The following LRRTM4 variants were observed in gnomAD, a reference collection of about 807,000 sequenced individuals.
The protein encoded by LRRTM4 is leucine-rich repeat transmembrane neuronal protein 4.
Under a neutral mutation model 47.6 loss-of-function variants are expected in LRRTM4, and 25 were observed. The observed-to-expected ratio is 0.53, with a 90% confidence interval of 0.38 to 0.73. The LOEUF is 0.73. LRRTM4 is among the 30% of genes least tolerant of loss of function. The pLI, the probability that LRRTM4 is intolerant of heterozygous loss-of-function variation, is 0.00. For synonymous variants in LRRTM4, 311 were observed against 269.5 expected (o/e 1.15, Z -1.51); for missense variants, 638 against 713.4 (o/e 0.89, Z 1.20).
At chr2:77,001,368 T>A (rs772416558) in intron 3 of LRRTM4, among the ~76,000 whole-genome samples, 1 of 152,106 alleles carries the variant, frequency 6.6e-6, no homozygotes, top group Non-Finnish European at 1.5e-5. Context: ...TACATGGAGA[T>A]CCTGGGTCCC....
At chr2:77,293,122 A>G (rs1676875553) in intron 3 of LRRTM4, among the ~76,000 whole-genome samples, 2 of 152,106 alleles carry the variant, frequency 1.3e-5, no homozygotes, top group South Asian at 4.1e-4. Context: ...CATCTGACAT[A>G]TTTGGAAAGT....
intron 3 of LRRTM4, among the ~76,000 whole-genome samples, chr2:76,869,134 C>A (rs549632905): frequency 1.3e-5 from 2 of 151,262 alleles, no homozygotes; most frequent in South Asian, 2.1e-4. Flanking sequence ...CATGGTGAAA[C>A]CCCGTCTCTA....
At chr2:77,299,963 T>C (rs1677086739) in intron 3 of LRRTM4, among the ~76,000 whole-genome samples, 2 of 150,192 alleles carry the variant, frequency 1.3e-5, no homozygotes, top group Non-Finnish European at 1.5e-5. Flanking sequence ...ACGATTCTCC[T>C]GCCTCAGCCT....
At chr2:76,989,762 G>T (rs975675305) in intron 3 of LRRTM4, 5 of 151,726 alleles carry the variant, frequency 3.3e-5, no homozygotes, top group African/African-American at 1.2e-4. Flanking sequence ...TGTCATTATC[G>T]TTATTTTATA....
intron 3 of LRRTM4, among the ~76,000 whole-genome samples, chr2:77,330,658 A>G (rs1573263625): frequency 1.3e-5 from 2 of 152,198 alleles, no homozygotes; most frequent in East Asian, 3.8e-4. Context: ...TTTATTTTAT[A>G]CATATTAATA....
At chr2:77,009,657 C>T (rs1468716851) in intron 3 of LRRTM4, 1 of 152,038 alleles carries the variant, frequency 6.6e-6, no homozygotes, top group Non-Finnish European at 1.5e-5. Flanking sequence ...CTTGAACACA[C>T]CAGTTCTGCC....
At chr2:77,217,468 T>TATATATATATATATACAC (rs1338917871) in intron 3 of LRRTM4, among the ~76,000 whole-genome samples, 1 of 134,250 alleles carries the variant, frequency 7.4e-6, no homozygotes, top group African/African-American at 2.9e-5. Context: ...TATATATATA[T>TATATATATATATATACAC]ACTAAGCCTT....
At chr2:77,056,007 A>C (rs1470518137) in intron 3 of LRRTM4, among the ~76,000 whole-genome samples, 4 of 132,534 alleles carry the variant, frequency 3.0e-5, no homozygotes, top group Non-Finnish European at 6.1e-5. Context: ...ACACGGACAC[A>C]GGAAGGGGAA....
chr2:77,332,071 C>A (rs1404036250), intron 3 of LRRTM4, among the ~76,000 whole-genome samples: 1 of 152,110 alleles, frequency 6.6e-6, no homozygotes, highest in African/African-American at 2.4e-5. Context: ...TTAAGAAGAA[C>A]TTTCATCCCC....
At chr2:77,300,578 C>T (rs1367669748) in intron 3 of LRRTM4, among the ~76,000 whole-genome samples, 1 of 152,102 alleles carries the variant, frequency 6.6e-6, no homozygotes, top group Non-Finnish European at 1.5e-5. Context: ...ACATTTAACA[C>T]ACCTAGCACA....
chr2:77,161,836 A>T (rs1351842015), intron 3 of LRRTM4, among the ~76,000 whole-genome samples: 1 of 152,150 alleles, frequency 6.6e-6, no homozygotes, highest in East Asian at 1.9e-4. Context: ...GCAAATGATT[A>T]AAACTCTAGT....
chr2:77,179,870 C>G (rs1673303011), intron 3 of LRRTM4, among the ~76,000 whole-genome samples: 1 of 151,794 alleles, frequency 6.6e-6, no homozygotes, highest in African/African-American at 2.4e-5. Context: ...TTTAGAAAAA[C>G]AAAAGTAAAA....
At chr2:76,865,843 T>C (rs987992192) in intron 3 of LRRTM4, among the ~76,000 whole-genome samples, 5 of 152,198 alleles carry the variant, frequency 3.3e-5, no homozygotes, top group Admixed American at 2.0e-4. Flanking sequence ...ACTGTCACTT[T>C]GCATGTTTCA....
chr2:76,795,949 T>G (rs1158336032), intron 3 of LRRTM4, among the ~76,000 whole-genome samples: 1 of 150,876 alleles, frequency 6.6e-6, no homozygotes, highest in Non-Finnish European at 1.5e-5. Context: ...CGCAGGTCAG[T>G]GGGTGCGCGC....
intron 3 of LRRTM4, among the ~76,000 whole-genome samples, chr2:77,409,526 T>A (rs1041024908): frequency 3.3e-5 from 5 of 152,204 alleles, no homozygotes; most frequent in African/African-American, 1.2e-4. Context: ...TTGATGGGGA[T>A]GTTTTCAAAC....
intron 3 of LRRTM4, among the ~76,000 whole-genome samples, chr2:77,036,157 G>C (rs959910929): frequency 2.0e-5 from 3 of 151,612 alleles, no homozygotes; most frequent in African/African-American, 7.3e-5. Flanking sequence ...GAAACACCAG[G>C]GGAAAGCATT....
Position 77,340,403 on chromosome 2 carries a change from G to C in LRRTM4, c.1551+177915C>G, listed in dbSNP as rs972098689. ...ATCTGTTCTATAAGACTGCTATAAAGATTACATGACTTAATACATTTAATG... is the reference window on the plus strand; with the variant it reads ...ATCTGTTCTATAAGACTGCTATAAACATTACATGACTTAATACATTTAATG... On this transcript the variant is annotated intron_variant, in intron 3 of 3. Transcript: ENST00000409884. 5.9e-5 allele frequency among the ~76,000 whole-genome samples: 9 copies of C among 152,006 alleles called. No individual in the cohort carries two copies. In the South Asian group the frequency reaches 1.2e-3, roughly 21 times the overall value.
Position 76,952,826 on chromosome 2 carries a change from A to G in LRRTM4, c.1552-203910T>C, listed in dbSNP as rs76180363. Among the ~76,000 whole-genome samples, 1,167 of 152,120 alleles carry G rather than the reference A, an allele frequency of 7.7e-3. 11 individuals are homozygous for G. Among genetic ancestry groups the G allele is most frequent in the African/African-American group, 0.027 (1,108 of 41,538 alleles). On this transcript the variant is annotated intron_variant, in intron 3 of 3. Coordinates refer to ENST00000409884, the MANE Select transcript of LRRTM4 (RefSeq NM_001134745.3). ...CAGTGTGGGGGACTGGGTGTGGTAC[A>G]CATACACTACAGAATACTACACAGT...
At chr2:77,116,536 T>C (rs375970838) in intron 3 of LRRTM4, among the ~76,000 whole-genome samples, 1 of 152,168 alleles carries the variant, frequency 6.6e-6, no homozygotes, top group Admixed American at 6.6e-5. Flanking sequence ...AGATTTCTCA[T>C]TTTCTAACCA....
Sources: allele counts gnomAD v4.1 joint callset (sites outside exome capture counted in the v4.1 genomes callset), GRCh38; gene constraint gnomAD v4.1.1; transcripts MANE v1.5; gene names NCBI Gene and HGNC (gene_info 2026-07-23, HGNC 2026-07-21).